Variants in WDR13 observed in about 807,000 individuals in gnomAD.
The protein encoded by WDR13 is WD repeat-containing protein 13.
A neutral mutation model predicts 28.6 loss-of-function variants in WDR13; 1 was observed. The ratio of observed to expected loss-of-function variants is 0.03; its 90% CI spans 0.01 to 0.17. WDR13 has a LOEUF of 0.17. Ranked by LOEUF, WDR13 falls within the 10% of genes least tolerant of loss-of-function variation. The pLI, the probability that WDR13 is intolerant of heterozygous loss-of-function variation, is 1.00. For missense variants in WDR13, 264 were observed against 469.3 expected, an observed-to-expected ratio of 0.56 and a Z score of 4.04; for synonymous variants, 201 against 185.9, an observed-to-expected ratio of 1.08 and a Z score of -0.66.
In WDR13 at chrX:48,604,269, C is replaced by A; in HGVS notation, c.1155-3C>A. ...GTTTTGACCCACTCTCTCATCCTCT[C>A]AGGGTGGTAGACAACGAGGGGACCC... is the stretch of plus-strand genomic sequence containing the variant. On this transcript the variant is annotated splice_polypyrimidine_tract_variant and splice_region_variant and intron_variant, in intron 8 of 9. Coordinates refer to ENST00000376729, the MANE Select transcript of WDR13 (RefSeq NM_001347217.2). 1 of 1,209,769 alleles carries A rather than the reference C, an allele frequency of 8.3e-7. No homozygotes were observed. The highest frequency in any genetic ancestry group is 1.1e-6 in the Non-Finnish European group (1 of 893,677).
chrX:48,604,044 C>T (rs1484376227), intron 8 of WDR13: 5 of 364,685 alleles, frequency 1.4e-5, no homozygotes, highest in Admixed American at 9.4e-5. Context: ...GAGACTGAGG[C>T]GGGAGGATCA....
chrX:48,605,182 C>G lies in WDR13; in HGVS notation c.*150C>G. ...AGGGCAGCGGGCAGCTCCAGGAACA[C>G]GGTGGAACGGGGTTCATTGACTCAT... On this transcript the variant is annotated 3_prime_UTR_variant, in exon 10 of 10. Coordinates refer to ENST00000376729, the MANE Select transcript of WDR13 (RefSeq NM_001347217.2). 1 of 636,023 alleles carries G rather than the reference C, an allele frequency of 1.6e-6. No homozygotes were observed. Among genetic ancestry groups the G allele is most frequent in the South Asian group, 3.1e-5 (1 of 31,998 alleles). The allele number at this position is 636,023 out of a possible 1,213,427, so 52.4% of individuals were successfully genotyped here.
In WDR13 at chrX:48,604,349, T is replaced by C. The variant is rs1389083984; in HGVS notation, c.1232T>C (p.Ile411Thr). Residue 411 changes from isoleucine (I) to threonine (T), a missense_variant, in exon 9 of 10, where the codon ATC becomes ACC. This residue lies in a region of WDR13 where 157 missense variants were observed against 270.2 expected (regional missense o/e 0.58). Coordinates refer to ENST00000376729, the MANE Select transcript of WDR13 (RefSeq NM_001347217.2). ...CAGAGCTCACATCCTGTGCGCAGCA[T>C]CTTCTGTCCCCTCATGTCCTTCCGC... is the stretch of plus-strand genomic sequence containing the variant. ...IEQSSHPVRS[I>T]FCPLMSFRQG... 1 of 1,209,431 alleles carries C rather than the reference T, an allele frequency of 8.3e-7. No homozygotes were observed. Among genetic ancestry groups the C allele is most frequent in the Non-Finnish European group, 1.1e-6 (1 of 894,902 alleles).
At chrX:48,603,808 A>T (rs1219599048) in intron 8 of WDR13, among the ~76,000 whole-genome samples, 1 of 111,272 alleles carries the variant, frequency 9.0e-6, no homozygotes, top group Non-Finnish European at 1.9e-5. Context: ...TGGTGTGTTC[A>T]TTTCCTCTCT....
At position 48,608,126 on chromosome X, in the gene WDR13, CTTTTTTT is replaced by C. The variant is rs782429095; in HGVS notation, c.*3103_*3109del. ...AAGCCATTCTTTTTTTTCTTTCTTT[CTTTTTTT>C]TTTTTTTTGAGACAGGGTCTCACTT... is the stretch of plus-strand genomic sequence containing the variant. On this transcript the variant is annotated 3_prime_UTR_variant, in exon 10 of 10. Transcript: ENST00000376729. 4 of 89,735 alleles carry C rather than the reference CTTTTTTT, an allele frequency of 4.5e-5. No homozygotes were observed. The highest frequency in any genetic ancestry group is 3.8e-4 in the Admixed American group (3 of 7,961). 7.4% of individuals were successfully genotyped at this position (89,735 alleles called of 1,213,427 possible).
At chrX:48,598,528 G>T in intron 2 of WDR13, 189 bp from the exon 3 acceptor site, 1 of 1,061,677 alleles carries the variant, frequency 9.4e-7, no homozygotes, top group South Asian at 2.6e-5. Flanking sequence ...TCATGACCAT[G>T]CTCATTATTA....
chrX:48,603,481 C>G (rs1336211850), intron 8 of WDR13, among the ~76,000 whole-genome samples: 1 of 111,781 alleles, frequency 8.9e-6, no homozygotes, highest in Non-Finnish European at 1.9e-5. Flanking sequence ...ATCCCCGTCT[C>G]TACTAAAAAT....
intron 8 of WDR13, 60 bp downstream of exon 8, chrX:48,602,266 A>C: frequency 9.0e-7 from 1 of 1,114,097 alleles, no homozygotes; most frequent in South Asian, 1.9e-5. Flanking sequence ...GCACACTGGG[A>C]CAGTAGCTCA....
At position 48,604,257 on chromosome X, in the gene WDR13, C is replaced by T. The variant is rs1427644578; in HGVS notation, c.1155-15C>T. The T allele has an allele frequency of 8.3e-7, 1 of 1,205,160 alleles. No individual in the cohort carries two copies. ...GGCTGGGGCTGTGTTTTGACCCACT[C>T]TCTCATCCTCTCAGGGTGGTAGACA... On this transcript the variant is annotated splice_polypyrimidine_tract_variant and intron_variant, in intron 8 of 9. Transcript: ENST00000376729.
intron 6 of WDR13, 155 bp downstream of exon 6, chrX:48,600,781 C>T: frequency 1.6e-6 from 1 of 625,354 alleles, no homozygotes; most frequent in African/African-American, 2.4e-5. Flanking sequence ...TGTGGTCAGA[C>T]TTAAAAGGGA....
chrX:48,601,707 A>G (rs2062187116), intron 6 of WDR13, 77 bp from the exon 7 acceptor site: 1 of 1,028,079 alleles, frequency 9.7e-7, no homozygotes, highest in Non-Finnish European at 1.3e-6. Context: ...AGTCGCATCA[A>G]CAGCAGCCCC....
rs2062211041 is a variant in WDR13 at position 48,604,757 on chromosome X, A to G, written c.1274-91A>G. On this transcript the variant is annotated intron_variant, in intron 9 of 9. Coordinates refer to ENST00000376729, the MANE Select transcript of WDR13 (RefSeq NM_001347217.2). ...CATGCTAGGACCTCACACCTCGGAC[A>G]TACACCCTTCAACACCTCAGACACC... The G allele has an allele frequency of 2.9e-6, 3 of 1,037,403 alleles. No homozygotes were observed. The African/African-American group carries it at 5.5e-5, about 19-fold the overall frequency. The allele number at this position is 1,037,403 out of a possible 1,213,427, so 85.5% of individuals were successfully genotyped here.
intron 2 of WDR13, chrX:48,598,310 TCCC>T: frequency 1.9e-6 from 2 of 1,056,152 alleles, no homozygotes; most frequent in South Asian, 5.3e-5. Flanking sequence ...TGACATCCTA[TCCC>T]CTATGGGTGT....
At chrX:48,603,509 A>G (rs1409675002) in intron 8 of WDR13, among the ~76,000 whole-genome samples, 1 of 111,723 alleles carries the variant, frequency 9.0e-6, no homozygotes, top group African/African-American at 3.2e-5. Context: ...TTAGCTGGGC[A>G]TGGTGGCAGG....
At chrX:48,597,753 T>G in intron 1 of WDR13, 139 bp downstream of exon 1, 3 of 378,186 alleles carry the variant, frequency 7.9e-6, no homozygotes, top group South Asian at 6.1e-5. Flanking sequence ...GGAGGGGCGG[T>G]GTCTGTTCTG....
intron 3 of WDR13, 163 bp downstream of exon 3, chrX:48,599,120 C>A: frequency 1.2e-6 from 1 of 838,324 alleles, no homozygotes; most frequent in Non-Finnish European, 1.6e-6. Flanking sequence ...ACTTTGTAAA[C>A]AGGTCAGTAA....
In WDR13 at chrX:48,600,572, T is replaced by C. The variant is rs782104662; in HGVS notation, c.777T>C (p.Asp259=). 1.2e-5 allele frequency: 15 copies of C among 1,211,522 alleles called. No individual in the cohort carries two copies. The South Asian group carries it at 2.5e-4, about 20-fold the overall frequency. ...GCATCCGAGAGATCCCTGACCCCGATAGCGCTGAACTGCTCTGCTGCACCT... is the reference window on the plus strand; with the variant it reads ...GCATCCGAGAGATCCCTGACCCCGACAGCGCTGAACTGCTCTGCTGCACCT... The part of the protein sequence containing the change: ...GRCIREIPDP[D]SAELLCCTFQ... The change falls in exon 6 of 10, where the codon GAT becomes GAC. Residue 259 remains aspartate (D), a synonymous_variant. Coordinates refer to ENST00000376729, the MANE Select transcript of WDR13 (RefSeq NM_001347217.2).
At chrX:48,599,248 A>G in intron 3 of WDR13, 105 bp from the exon 4 acceptor site, 1 of 687,320 alleles carries the variant, frequency 1.5e-6, no homozygotes, top group Non-Finnish European at 2.1e-6. Context: ...GGCAGGGGAC[A>G]CAGTGAGAAG....
chrX:48,604,479 G>A (rs2062208903), intron 9 of WDR13, 89 bp downstream of exon 9: 8 of 809,272 alleles, frequency 9.9e-6, no homozygotes, highest in Admixed American at 5.5e-5. Context: ...TCACGACACC[G>A]ATGCCCTGAC....
Sources: allele counts gnomAD v4.1 joint callset (sites outside exome capture counted in the v4.1 genomes callset), GRCh38; gene constraint gnomAD v4.1.1; regional missense constraint gnomAD v4.1.1; transcripts MANE v1.5; gene names NCBI Gene and HGNC (gene_info 2026-07-23, HGNC 2026-07-21).